GRM5: variants seen among roughly 807,000 people sequenced by gnomAD.
GRM5 encodes the protein glutamate metabotropic receptor 5, also known as metabotropic glutamate receptor 5.
GRM5 carries 19 observed loss-of-function variants against 83.1 expected under a neutral mutation model. The ratio of observed to expected loss-of-function variants is 0.23; its 90% confidence interval spans 0.16 to 0.34. The LOEUF (loss-of-function observed/expected upper bound fraction) is 0.34. GRM5 is among the 10% of genes least tolerant of loss of function. The probability of loss-of-function intolerance (pLI) is 1.00; values close to 1 mark genes in which losing one functional copy is unlikely to be tolerated. For synonymous variants in GRM5, 675 were observed against 633.6 expected, an observed-to-expected ratio of 1.07 and a Z score of -0.98; for missense variants, 1,160 against 1,588.3, an observed-to-expected ratio of 0.73 and a Z score of 4.58.
chr11:88,965,230 T>C (rs910884944), intron 2 of GRM5, among the ~76,000 whole-genome samples: 13 of 152,180 alleles, frequency 8.5e-5, no homozygotes, highest in Non-Finnish European at 1.8e-4. Context: ...TTTTCACAGT[T>C]CTGGAGGCTG....
chr11:88,868,255 C>T (rs1267279187), intron 2 of GRM5, among the ~76,000 whole-genome samples: 1 of 151,824 alleles, frequency 6.6e-6, no homozygotes, highest in Non-Finnish European at 1.5e-5. Flanking sequence ...ATGAGAATGG[C>T]TCTGAAATTA....
intron 2 of GRM5, among the ~76,000 whole-genome samples, chr11:88,869,630 G>A (rs957044181): frequency 6.6e-6 from 1 of 151,290 alleles, no homozygotes; most frequent in Non-Finnish European, 1.5e-5. Context: ...TGGCTTAAAG[G>A]ACTGAGATGT....
At chr11:88,971,513 A>G (rs1939163703) in intron 2 of GRM5, among the ~76,000 whole-genome samples, 2 of 152,202 alleles carry the variant, frequency 1.3e-5, no homozygotes, top group Non-Finnish European at 1.5e-5. Context: ...GCCCCCACTT[A>G]TAAGTGAGAA....
chr11:88,563,310 T>C (rs1419822230), intron 8 of GRM5, among the ~76,000 whole-genome samples: 1 of 152,228 alleles, frequency 6.6e-6, no homozygotes, highest in East Asian at 1.9e-4. Flanking sequence ...TAAACTAGTA[T>C]GCTGCCTTTG....
intron 2 of GRM5, among the ~76,000 whole-genome samples, chr11:89,032,071 G>C (rs752316645): frequency 4.0e-5 from 6 of 151,844 alleles, no homozygotes; most frequent in Non-Finnish European, 8.8e-5. Flanking sequence ...AATATTTTAT[G>C]TTTGTTTACC....
chr11:89,039,140 C>G (rs1183101927), intron 2 of GRM5, among the ~76,000 whole-genome samples: 1 of 151,884 alleles, frequency 6.6e-6, no homozygotes. Flanking sequence ...TGGCACGCAC[C>G]TGTAATCCCA....
At chr11:88,903,549 T>G (rs1003144985) in intron 2 of GRM5, among the ~76,000 whole-genome samples, 1 of 152,140 alleles carries the variant, frequency 6.6e-6, no homozygotes, top group South Asian at 2.1e-4. Flanking sequence ...ATATACACAA[T>G]GGAATACTAT....
At chr11:88,992,572 G>T (rs1053510039) in intron 2 of GRM5, among the ~76,000 whole-genome samples, 19 of 151,962 alleles carry the variant, frequency 1.3e-4, no homozygotes, top group African/African-American at 4.4e-4. Context: ...GCACATGTAT[G>T]TTTATTGTGG....
At chr11:89,008,534 A>C (rs1234417478) in intron 2 of GRM5, among the ~76,000 whole-genome samples, 1 of 152,138 alleles carries the variant, frequency 6.6e-6, no homozygotes. Flanking sequence ...AATAGTATAT[A>C]TATCCAAAAC....
chr11:89,044,365 T>A (rs1941598090), intron 2 of GRM5, among the ~76,000 whole-genome samples: 1 of 152,028 alleles, frequency 6.6e-6, no homozygotes, highest in South Asian at 2.1e-4. Context: ...CAAGCCACAG[T>A]AAATACCCAG....
chr11:88,634,154 G>T (rs7102142), intron 4 of GRM5, among the ~76,000 whole-genome samples: 6,831 of 152,254 alleles, frequency 0.045, 283 homozygotes, highest in African/African-American at 0.11. Context: ...AATAGAGCTT[G>T]CAGGACTGGA....
At chr11:88,938,183 T>A (rs1008060481) in intron 2 of GRM5, among the ~76,000 whole-genome samples, 6 of 151,734 alleles carry the variant, frequency 4.0e-5, no homozygotes, top group African/African-American at 1.4e-4. Context: ...TAAAATTTTA[T>A]TTGTCAGTTG....
At chr11:88,770,571 T>A (rs915342579) in intron 3 of GRM5, among the ~76,000 whole-genome samples, 23 of 152,110 alleles carry the variant, frequency 1.5e-4, no homozygotes, top group African/African-American at 5.6e-4. Context: ...ATGATATAAC[T>A]AAATAGTTCC....
intron 3 of GRM5, among the ~76,000 whole-genome samples, chr11:88,661,384 G>A (rs187154357): frequency 6.6e-5 from 10 of 152,048 alleles, no homozygotes; most frequent in East Asian, 1.9e-4. Flanking sequence ...TGATTCCCCC[G>A]TGCAGAATGG....
chr11:88,523,765 C>T (rs769573668), intron 9 of GRM5, among the ~76,000 whole-genome samples: 2 of 152,150 alleles, frequency 1.3e-5, no homozygotes, highest in Non-Finnish European at 2.9e-5. Flanking sequence ...TTTTCATAGA[C>T]TGCAATATGA....
intron 4 of GRM5, among the ~76,000 whole-genome samples, chr11:88,607,207 C>G (rs536350335): frequency 6.6e-6 from 1 of 152,308 alleles, no homozygotes; most frequent in African/African-American, 2.4e-5. Context: ...CTTACAATTT[C>G]CTTCCCCACA....
chr11:88,775,433 A>G (rs1246438347), intron 3 of GRM5, among the ~76,000 whole-genome samples: 1 of 151,918 alleles, frequency 6.6e-6, no homozygotes, highest in African/African-American at 2.4e-5. Context: ...TTGCGTGTCT[A>G]TCTCCTTCAG....
At position 88,605,041 on chromosome 11, in the gene GRM5, T is replaced by G. The variant is rs903462571; in HGVS notation, c.1148-77A>C. The stretch of plus-strand genomic sequence containing the variant: ...ACATTCCTGGGTACTGAATAATGGG[T>G]TACCTGTAATTAGAGAATGCACTGG... On this transcript the variant is annotated intron_variant, in intron 4 of 9. Coordinates refer to ENST00000305447, the MANE Select transcript of GRM5 (RefSeq NM_001143831.3). 8 of 1,166,330 alleles carry G rather than the reference T, an allele frequency of 6.9e-6. No homozygotes were observed. The East Asian group carries it at 1.9e-4, about 27-fold the overall frequency. The allele number at this position is 1,166,330 out of a possible 1,614,324, so 72.2% of individuals were successfully genotyped here. A position where few individuals can be genotyped will look rare whatever the true frequency, so the allele number is the denominator to read the frequency against.
intron 2 of GRM5, among the ~76,000 whole-genome samples, chr11:88,942,705 C>A (rs1938153432): frequency 6.6e-6 from 1 of 151,010 alleles, no homozygotes; most frequent in Admixed American, 6.7e-5. Flanking sequence ...CTAGATTTGT[C>A]ATTTTCCCTG....
Sources: gnomAD v4.1 joint callset for allele counts (sites outside exome capture counted in the v4.1 genomes callset) on GRCh38, gnomAD v4.1.1 for gene constraint, MANE v1.5 for transcripts, NCBI Gene and HGNC (gene_info 2026-07-23, HGNC 2026-07-21) for gene names.